C2CD2L: variants seen among roughly 807,000 people sequenced by gnomAD.
The protein encoded by C2CD2L is C2CD2 like.
In C2CD2L, 24 loss-of-function variants were observed where a neutral mutation model predicts 69.9. That is an observed-to-expected ratio of 0.34 (90% CI 0.25 to 0.48). The LOEUF (loss-of-function observed/expected upper bound fraction) is 0.48. C2CD2L is among the 20% of genes least tolerant of loss of function. The probability of loss-of-function intolerance (pLI) is 0.99; values close to 1 mark genes in which losing one functional copy is unlikely to be tolerated. For synonymous variants in C2CD2L, 367 were observed against 391.0 expected, an observed-to-expected ratio of 0.94 and a Z score of 0.72; for missense variants, 811 against 941.5, an observed-to-expected ratio of 0.86 and a Z score of 1.81.
At position 119,112,838 on chromosome 11, in the gene C2CD2L, A is replaced by G; in HGVS notation, c.1351A>G (p.Thr451Ala). 6.2e-7 allele frequency: 1 copy of G among 1,614,006 alleles called. No homozygotes were observed. The highest frequency in any genetic ancestry group is 1.1e-5 in the South Asian group (1 of 91,074). Residue 451 changes from threonine (T) to alanine (A), a missense_variant, in exon 10 of 14, where the codon ACT becomes GCT. Transcript: ENST00000648610. ...PDGTIVTTVTTVQSRPRIDGK... is the reference protein window; with the variant it reads ...PDGTIVTTVTAVQSRPRIDGK... ...TGGCACCATTGTCACCACAGTCACC[A>G]CTGTCCAGTCCCGGCCCCGTATAGA...
Position 119,110,525 on chromosome 11 carries a change from C to T in C2CD2L, c.451-36C>T, listed in dbSNP as rs764698979. Reference sequence around the variant, plus strand: ...GGGCAGTTCAAAGCAGGGTGAGCACCCTTCCCCCACATCTGACCCACCTCG... The same window carrying T: ...GGGCAGTTCAAAGCAGGGTGAGCACTCTTCCCCCACATCTGACCCACCTCG... On this transcript the variant is annotated intron_variant, in intron 2 of 13. Transcript: ENST00000648610. This position sits in a 1 kb window ranked among gnomAD's most constrained non-coding sequence, Gnocchi z 5.7. The T allele has an allele frequency of 1.3e-6, 2 of 1,595,722 alleles. No individual in the cohort carries two copies. Among genetic ancestry groups the T allele is most frequent in the Non-Finnish European group, 1.7e-6 (2 of 1,175,374 alleles).
rs1042929178 is a variant in C2CD2L at position 119,107,909 on chromosome 11, C to T, written c.168C>T (p.Pro56=). 1.0e-5 allele frequency: 16 copies of T among 1,528,178 alleles called. No individual in the cohort carries two copies. Among genetic ancestry groups the T allele is most frequent in the African/African-American group, 2.9e-5 (2 of 68,986 alleles). 94.7% of individuals were successfully genotyped at this position (1,528,178 alleles called of 1,614,324 possible). A position where few individuals can be genotyped will look rare whatever the true frequency, so the allele number is the denominator to read the frequency against. Residue 56 remains proline, a synonymous_variant, in exon 1 of 14, where the codon CCC becomes CCT. Transcript: ENST00000648610. This position sits in a 1 kb window ranked among gnomAD's most constrained non-coding sequence, Gnocchi z 5.4. ...CGGGACCCGCCTTAGCCGGGGAACC[C>T]GCGGGTTCCCTGCGGGAGCTGGGCG... ...RGPGPALAGE[P]AGSLRELGVW... is the part of the protein sequence containing the mutation.
upstream of C2CD2L, among the ~76,000 whole-genome samples, chr11:119,103,649 A>C (rs1351524922): frequency 6.6e-6 from 1 of 151,614 alleles, no homozygotes; most frequent in African/African-American, 2.4e-5. Flanking sequence ...GTGAGCCGCG[A>C]TCATGCCACT....
In C2CD2L at chr11:119,107,687, C is replaced by G; in HGVS notation, c.-55C>G. On this transcript the variant is annotated 5_prime_UTR_variant, in exon 1 of 14. Transcript: ENST00000648610. The surrounding 1 kb of genome is among the most constrained non-coding windows in gnomAD (Gnocchi z 5.4). ...CCCGCGGCCCGCCCGGGCCATGCTC[C>G]CCCGGGGCAGCGGGTGAGCCCCAGC... is the stretch of plus-strand genomic sequence containing the variant. The G allele has an allele frequency of 8.3e-7, 1 of 1,198,966 alleles. No homozygotes were observed. The highest frequency in any genetic ancestry group is 1.1e-6 in the Non-Finnish European group (1 of 914,658). The allele number at this position is 1,198,966 out of a possible 1,614,324, so 74.3% of individuals were successfully genotyped here. A position where few individuals can be genotyped will look rare whatever the true frequency, so the allele number is the denominator to read the frequency against.
Position 119,110,542 on chromosome 11 carries a change from C to A in C2CD2L, c.451-19C>A. The stretch of plus-strand genomic sequence containing the variant: ...GTGAGCACCCTTCCCCCACATCTGA[C>A]CCACCTCGCCGGTCTCAGGTGCTGC... On this transcript the variant is annotated intron_variant, in intron 2 of 13. Transcript: ENST00000648610. This position sits in a 1 kb window ranked among gnomAD's most constrained non-coding sequence, Gnocchi z 5.7. 1 of 1,602,404 alleles carries A rather than the reference C, an allele frequency of 6.2e-7. No homozygotes were observed. The highest frequency in any genetic ancestry group is 8.5e-7 in the Non-Finnish European group (1 of 1,177,604).
Position 119,108,022 on chromosome 11 carries a change from C to G in C2CD2L, c.281C>G (p.Ala94Gly), listed in dbSNP as rs767201304. ...CGGGGCCTCCTGGCGTCACTCTTCGCCTTCAAGTCTTTCCGGGAGAACTGG... is the reference window on the plus strand; with the variant it reads ...CGGGGCCTCCTGGCGTCACTCTTCGGCTTCAAGTCTTTCCGGGAGAACTGG... ...GVRGLLASLF[A>G]FKSFRENWQR... is the part of the protein sequence containing the mutation. Residue 94 changes from alanine (A) to glycine (G), a missense_variant, in exon 1 of 14, where the codon GCC becomes GGC. Coordinates refer to ENST00000648610, the MANE Select transcript of C2CD2L (RefSeq NM_001290474.2). 3.9e-5 allele frequency: 63 copies of G among 1,599,168 alleles called. No individual in the cohort carries two copies. In the African/African-American group the frequency reaches 7.4e-4, roughly 19 times the overall value.
At chr11:119,115,938 C>G in intron 13 of C2CD2L, 107 bp from the exon 14 acceptor site, 4 of 861,930 alleles carry the variant, frequency 4.6e-6, no homozygotes, top group Non-Finnish European at 7.4e-6. Context: ...GGCCACGGGA[C>G]TGATCCTGTC....
chr11:119,102,469 G>T (rs889880852), upstream of C2CD2L: 2 of 375,332 alleles, frequency 5.3e-6, no homozygotes, highest in East Asian at 1.5e-4. Flanking sequence ...CTCCCACTCT[G>T]TTTTTCTTGT....
rs766902256 is a variant in C2CD2L, at chr11:119,114,245, G to A, written c.1789G>A (p.Val597Ile). The A allele has an allele frequency of 2.5e-6, 4 of 1,614,152 alleles. No homozygotes were observed. Among genetic ancestry groups the A allele is most frequent in the East Asian group, 2.2e-5 (1 of 44,882 alleles). The change falls in exon 13 of 14, where the codon GTC becomes ATC. Residue 597 changes from valine to isoleucine, a missense_variant. Coordinates refer to ENST00000648610, the MANE Select transcript of C2CD2L (RefSeq NM_001290474.2). This position sits in a 1 kb window ranked among gnomAD's most constrained non-coding sequence, Gnocchi z 5.1. ...AGATGCCCTCTCTAGTCCCACAAGTGTCCAGGAAGCAGACGAGACAACCCG... is the reference window on the plus strand; with the variant it reads ...AGATGCCCTCTCTAGTCCCACAAGTATCCAGGAAGCAGACGAGACAACCCG... The part of the protein sequence containing the change: ...PLDALSSPTS[V>I]QEADETTRSD...
Position 119,114,062 on chromosome 11 carries a change from A to T in C2CD2L, c.1624-18A>T. ...GGGTCGGTCACTCCTGCCCATTAAAACCCGTCCCTCCTGCCAGGTGCCCAT... is the reference window on the plus strand; with the variant it reads ...GGGTCGGTCACTCCTGCCCATTAAATCCCGTCCCTCCTGCCAGGTGCCCAT... On this transcript the variant is annotated intron_variant, in intron 12 of 13. Transcript: ENST00000648610. This position sits in a 1 kb window ranked among gnomAD's most constrained non-coding sequence, Gnocchi z 5.1. 2 of 1,613,414 alleles carry T rather than the reference A, an allele frequency of 1.2e-6. No individual in the cohort carries two copies. Among genetic ancestry groups the T allele is most frequent in the Non-Finnish European group, 1.7e-6 (2 of 1,179,710 alleles).
chr11:119,113,116 A>C, intron 10 of C2CD2L: 1 of 570,394 alleles, frequency 1.8e-6, no homozygotes, highest in Non-Finnish European at 3.1e-6. Context: ...GCCCCTCCTC[A>C]TACAGGACTG....
chr11:119,116,083 C>A lies in C2CD2L; in HGVS notation c.1948C>A (p.Arg650=). Residue 650 remains arginine (R), a synonymous_variant, in exon 14 of 14, where the codon CGG becomes AGG. Coordinates refer to ENST00000648610, the MANE Select transcript of C2CD2L (RefSeq NM_001290474.2). ...LRSGTKLIFR[R]RPRQKEAGLS... Reference sequence around the variant, plus strand: ...CAGCGGCACTAAGCTCATCTTCCGCCGGAGGCCTAGGCAGAAGGAAGCTGG... The same window carrying A: ...CAGCGGCACTAAGCTCATCTTCCGCAGGAGGCCTAGGCAGAAGGAAGCTGG... The A allele has an allele frequency of 1.9e-6, 3 of 1,614,108 alleles. No homozygotes were observed. Among genetic ancestry groups the A allele is most frequent in the Non-Finnish European group, 2.5e-6 (3 of 1,180,026 alleles).
At position 119,110,061 on chromosome 11, in the gene C2CD2L, G is replaced by A; in HGVS notation, c.355-43G>A. On this transcript the variant is annotated intron_variant, in intron 1 of 13. Coordinates refer to ENST00000648610, the MANE Select transcript of C2CD2L (RefSeq NM_001290474.2). This position sits in a 1 kb window ranked among gnomAD's most constrained non-coding sequence, Gnocchi z 5.7. ...ACTGAGCAGGCCAACCCTGTGGGGG[G>A]CAGCTCCAGAGACCTGATCCAATGC... The A allele has an allele frequency of 7.1e-7, 1 of 1,406,012 alleles. No individual in the cohort carries two copies. The highest frequency in any genetic ancestry group is 1.0e-6 in the Non-Finnish European group (1 of 990,232). 87.1% of individuals were successfully genotyped at this position (1,406,012 alleles called of 1,614,324 possible).
upstream of C2CD2L, among the ~76,000 whole-genome samples, chr11:119,105,817 G>A (rs1946574992): frequency 6.6e-6 from 1 of 152,094 alleles, no homozygotes; most frequent in Admixed American, 6.5e-5. Context: ...GATCACTAGG[G>A]GGTCTGAGGG....
At chr11:119,115,689 G>A (rs1946867353) in intron 13 of C2CD2L, 4 of 394,812 alleles carry the variant, frequency 1.0e-5, no homozygotes, top group Non-Finnish European at 1.4e-5. Flanking sequence ...GGTAGCTTTT[G>A]TCTTCCCATA....
upstream of C2CD2L, among the ~76,000 whole-genome samples, chr11:119,106,414 A>G (rs926860663): frequency 1.3e-5 from 2 of 152,104 alleles, no homozygotes; most frequent in Non-Finnish European, 2.9e-5. Flanking sequence ...ATTCCTTTGA[A>G]TCCTTTTGCA....
chr11:119,116,115 C>T lies in C2CD2L; in HGVS notation c.1980C>T (p.Ser660=), dbSNP rs375372938. The T allele has an allele frequency of 9.0e-5, 145 of 1,614,064 alleles. No individual in the cohort carries two copies. Among genetic ancestry groups the T allele is most frequent in the Non-Finnish European group, 1.2e-4 (138 of 1,180,038 alleles). The part of the protein sequence containing the change: ...RRPRQKEAGL[S]QSHDDLSNAT... ...CTAGGCAGAAGGAAGCTGGCCTGAG[C>T]CAATCACACGATGACCTCTCCAACG... The change falls in exon 14 of 14, where the codon AGC becomes AGT. Residue 660 remains serine (S), a synonymous_variant. Coordinates refer to ENST00000648610, the MANE Select transcript of C2CD2L (RefSeq NM_001290474.2).
At position 119,110,695 on chromosome 11, in the gene C2CD2L, G is replaced by A; in HGVS notation, c.570+15G>A. 4 of 1,613,744 alleles carry A rather than the reference G, an allele frequency of 2.5e-6. No individual in the cohort carries two copies. Among genetic ancestry groups the A allele is most frequent in the Non-Finnish European group, 3.4e-6 (4 of 1,179,910 alleles). On this transcript the variant is annotated intron_variant, in intron 3 of 13. Coordinates refer to ENST00000648610, the MANE Select transcript of C2CD2L (RefSeq NM_001290474.2). This position sits in a 1 kb window ranked among gnomAD's most constrained non-coding sequence, Gnocchi z 5.7. ...CACCAACACAGGTAGAAGGGGATGTGGGAAACTGAGTTGGGCAGGGGCGGT... is the reference window on the plus strand; with the variant it reads ...CACCAACACAGGTAGAAGGGGATGTAGGAAACTGAGTTGGGCAGGGGCGGT...
At position 119,113,728 on chromosome 11, in the gene C2CD2L, G is replaced by A; in HGVS notation, c.1489+16G>A. 2 of 1,613,922 alleles carry A rather than the reference G, an allele frequency of 1.2e-6. No homozygotes were observed. The highest frequency in any genetic ancestry group is 1.7e-6 in the Non-Finnish European group (2 of 1,179,840). On this transcript the variant is annotated intron_variant, in intron 11 of 13. Transcript: ENST00000648610. Reference sequence around the variant, plus strand: ...AGCAGCAGCCGTGAGTGGGGAATGGGGTGCATGAGTGTGGGTTGGCCCTGG... The same window carrying A: ...AGCAGCAGCCGTGAGTGGGGAATGGAGTGCATGAGTGTGGGTTGGCCCTGG...
Sources: gnomAD v4.1 joint callset for allele counts (sites outside exome capture counted in the v4.1 genomes callset) on GRCh38, gnomAD v4.1.1 for gene constraint, Gnocchi (gnomAD v3.1) non-coding constraint, MANE v1.5 for transcripts, NCBI Gene and HGNC (gene_info 2026-07-23, HGNC 2026-07-21) for gene names.